The following GDPD1 variants were observed in gnomAD, a reference collection of about 807,000 sequenced individuals.
The protein encoded by GDPD1 is lysophospholipase D GDPD1.
Under a neutral mutation model 45.1 loss-of-function variants are expected in GDPD1, and 28 were observed. The ratio of observed to expected loss-of-function variants is 0.62; its 90% confidence interval spans 0.46 to 0.85. GDPD1 has a LOEUF of 0.85. Among genes scored for constraint, GDPD1 ranks in the 40% least tolerant of loss-of-function variants. The pLI is 0.00. For missense variants in GDPD1, 256 were observed against 364.8 expected (o/e 0.70, Z 2.43); for synonymous variants, 139 against 131.4 (o/e 1.06, Z -0.40).
At chr17:59,248,617 G>A (rs187940902) in intron 3 of GDPD1, 123 bp from the exon 4 acceptor site, 182 of 647,588 alleles carry the variant, frequency 2.8e-4, no homozygotes, top group African/African-American at 2.3e-3. Flanking sequence ...TGCTAAGGGT[G>A]CCTAGTAAAG....
At chr17:59,252,494 G>A (rs1014537163) in intron 4 of GDPD1, among the ~76,000 whole-genome samples, 4 of 151,692 alleles carry the variant, frequency 2.6e-5, no homozygotes, top group Admixed American at 6.6e-5. Context: ...CCACATCAGC[G>A]TCCCAAAGGG....
chr17:59,270,314 C>T (rs577036027), intron 7 of GDPD1, among the ~76,000 whole-genome samples: 3 of 151,692 alleles, frequency 2.0e-5, no homozygotes, highest in Admixed American at 2.0e-4. Context: ...CTGTCTCCGG[C>T]TCCTGAGTAG....
At chr17:59,234,409 A>G in intron 1 of GDPD1, 83 bp from the exon 2 acceptor site, 3 of 733,648 alleles carry the variant, frequency 4.1e-6, no homozygotes, top group Non-Finnish European at 7.0e-6. Flanking sequence ...AAAGGTCAAG[A>G]TTCATTAGGT....
intron 1 of GDPD1, among the ~76,000 whole-genome samples, chr17:59,231,324 CTT>C (rs557850341): frequency 1.2e-4 from 14 of 114,388 alleles, no homozygotes; most frequent in Admixed American, 2.0e-4. Flanking sequence ...TTCTTTCTTT[CTT>C]TTTTTTTTTT....
At chr17:59,255,989 C>T (rs2047306365) in intron 4 of GDPD1, among the ~76,000 whole-genome samples, 1 of 149,430 alleles carries the variant, frequency 6.7e-6, no homozygotes, top group African/African-American at 2.5e-5. Flanking sequence ...TACTGCACTC[C>T]AGCCTTGGCT....
chr17:59,234,854 A>G (rs902853152), intron 2 of GDPD1, among the ~76,000 whole-genome samples: 3 of 152,172 alleles, frequency 2.0e-5, no homozygotes, highest in African/African-American at 7.2e-5. Flanking sequence ...AGAGAAAATG[A>G]AACAACTGTT....
chr17:59,259,671 C>T (rs1285430964), intron 6 of GDPD1, among the ~76,000 whole-genome samples: 1 of 149,182 alleles, frequency 6.7e-6, no homozygotes, highest in East Asian at 1.9e-4. Context: ...ATTGCTTGAA[C>T]CTGGAAAGCA....
chr17:59,228,239 A>G (rs1286981374), intron 1 of GDPD1, among the ~76,000 whole-genome samples: 1 of 151,782 alleles, frequency 6.6e-6, no homozygotes, highest in Non-Finnish European at 1.5e-5. Flanking sequence ...TGATTATACC[A>G]ATTCTATGAA....
In GDPD1 at chr17:59,220,747, C is replaced by T. The variant is rs1438743855; in HGVS notation, c.138C>T (p.Arg46=). Residue 46 remains arginine, a synonymous_variant, in exon 1 of 10, where the codon CGC becomes CGT. Transcript: ENST00000284116. ...QRFLSKHISH[R]GGAGENLENT... ...TCCTCAGTAAACACATCTCTCACCG[C>T]GGAGGTGAGAGGGGTCCCCAGAACC... 2.5e-6 allele frequency: 4 copies of T among 1,611,506 alleles called. No individual in the cohort carries two copies. In the South Asian group the frequency reaches 4.4e-5, roughly 18 times the overall value.
chr17:59,244,972 G>C (rs2047199705), intron 2 of GDPD1, among the ~76,000 whole-genome samples: 1 of 151,900 alleles, frequency 6.6e-6, no homozygotes, highest in South Asian at 2.1e-4. Context: ...CTCCAGCCTG[G>C]GCAACAGAGC....
In GDPD1 at chr17:59,220,657, C is replaced by T. The variant is rs2046996378; in HGVS notation, c.48C>T (p.Tyr16=). Residue 16 remains tyrosine (Y), a synonymous_variant, in exon 1 of 10, where the codon TAC becomes TAT. Coordinates refer to ENST00000284116, the MANE Select transcript of GDPD1 (RefSeq NM_182569.4). ...AFYLLSTLGG[Y]LVTSFLLLKY... is the part of the protein sequence containing the mutation. ...ACCTTCTCTCTACGCTAGGAGGATACTTGGTGACCTCATTCTTGTTGCTTA... is the reference window on the plus strand; with the variant it reads ...ACCTTCTCTCTACGCTAGGAGGATATTTGGTGACCTCATTCTTGTTGCTTA... The T allele has an allele frequency of 6.2e-7, 1 of 1,614,148 alleles. No individual in the cohort carries two copies. The highest frequency in any genetic ancestry group is 2.2e-5 in the East Asian group (1 of 44,876).
chr17:59,229,302 G>A (rs1345719615), intron 1 of GDPD1, among the ~76,000 whole-genome samples: 5 of 146,304 alleles, frequency 3.4e-5, no homozygotes, highest in Admixed American at 1.4e-4. Flanking sequence ...ACAGATGCCC[G>A]TCACCATGCC....
chr17:59,232,306 C>T (rs193014107), intron 1 of GDPD1, among the ~76,000 whole-genome samples: 7 of 151,926 alleles, frequency 4.6e-5, no homozygotes, highest in African/African-American at 1.2e-4. Context: ...AAAAATTAGC[C>T]GGGTGTGGTG....
chr17:59,264,247 G>C (rs923170245), intron 6 of GDPD1, among the ~76,000 whole-genome samples: 7 of 151,706 alleles, frequency 4.6e-5, no homozygotes, highest in African/African-American at 1.7e-4. Flanking sequence ...TGATCCACCC[G>C]CCTCAGCCTC....
At chr17:59,244,206 C>G (rs567380378) in intron 2 of GDPD1, among the ~76,000 whole-genome samples, 1 of 152,130 alleles carries the variant, frequency 6.6e-6, no homozygotes, top group Non-Finnish European at 1.5e-5. Context: ...CGGGGTCTTG[C>G]GTCCCTTCTC....
chr17:59,251,555 GAAC>G (rs2047254103), intron 4 of GDPD1, among the ~76,000 whole-genome samples: 1 of 151,370 alleles, frequency 6.6e-6, no homozygotes, highest in Non-Finnish European at 1.5e-5. Flanking sequence ...AAAAAAAAAA[GAAC>G]AACACTGTGT....
At chr17:59,222,157 T>G (rs1027144605) in intron 1 of GDPD1, among the ~76,000 whole-genome samples, 2 of 152,180 alleles carry the variant, frequency 1.3e-5, no homozygotes, top group African/African-American at 4.8e-5. Context: ...TTCAAGTTGC[T>G]GTCACAGAAG....
At chr17:59,221,419 C>CT (rs36143328) in intron 1 of GDPD1, among the ~76,000 whole-genome samples, 51,977 of 126,784 alleles carry the variant, frequency 0.41, 11,163 homozygotes, top group African/African-American at 0.52. Flanking sequence ...AACCTTGCAT[C>CT]TTTTTTTTTT....
intron 2 of GDPD1, among the ~76,000 whole-genome samples, chr17:59,237,049 T>C (rs1393591340): frequency 6.6e-6 from 1 of 152,148 alleles, no homozygotes; most frequent in Non-Finnish European, 1.5e-5. Context: ...AGGTTTTTTT[T>C]TGTTTTGTTT....
Sources: gnomAD v4.1 joint callset for allele counts (sites outside exome capture counted in the v4.1 genomes callset) on GRCh38, gnomAD v4.1.1 for gene constraint, MANE v1.5 for transcripts, NCBI Gene and HGNC (gene_info 2026-07-23, HGNC 2026-07-21) for gene names.